Variants in TRPS1 observed in about 807,000 individuals in gnomAD.
The protein encoded by TRPS1 is zinc finger transcription factor Trps1.
TRPS1 carries 6 observed loss-of-function variants against 101.2 expected under a neutral mutation model. The ratio of observed to expected loss-of-function variants is 0.06; its 90% CI spans 0.03 to 0.12. TRPS1 has a LOEUF of 0.12. TRPS1 is among the 10% of genes least tolerant of loss of function. The probability of loss-of-function intolerance (pLI) is 1.00; values close to 1 mark genes in which losing one functional copy is unlikely to be tolerated. For synonymous variants in TRPS1, 578 were observed against 589.8 expected, an observed-to-expected ratio of 0.98 and a Z score of 0.29; for missense variants, 1,363 against 1,567.0, an observed-to-expected ratio of 0.87 and a Z score of 2.20.
chr8:115,482,798 A>G (rs1309983889), intron 5 of TRPS1, among the ~76,000 whole-genome samples: 1 of 152,228 alleles, frequency 6.6e-6, no homozygotes, highest in Non-Finnish European at 1.5e-5. Flanking sequence ...AATAATGAGG[A>G]TCCATATCCT....
intron 2 of TRPS1, 83 bp from the exon 3 acceptor site, chr8:115,620,143 G>T: frequency 7.0e-7 from 1 of 1,422,744 alleles, no homozygotes; most frequent in Non-Finnish European, 9.7e-7. Flanking sequence ...TTTTACTTAT[G>T]TGAGTTTTTT....
At chr8:115,611,718 G>A (rs1818171879) in intron 3 of TRPS1, among the ~76,000 whole-genome samples, 1 of 152,210 alleles carries the variant, frequency 6.6e-6, no homozygotes, top group Admixed American at 6.5e-5. Context: ...GCGAGAGTAA[G>A]ACAATGCAAG....
intron 5 of TRPS1, among the ~76,000 whole-genome samples, chr8:115,479,273 T>C (rs1417366732): frequency 6.6e-6 from 1 of 152,160 alleles, no homozygotes; most frequent in Non-Finnish European, 1.5e-5. Context: ...ACGTAACTTG[T>C]AGTCTGGTAC....
Position 115,614,562 on chromosome 8 carries a change from A to T in TRPS1, c.966+4570T>A, listed in dbSNP as rs562356757. Among the ~76,000 whole-genome samples, 6 of 152,342 alleles carry T rather than the reference A, an allele frequency of 3.9e-5. No individual in the cohort carries two copies. In the South Asian group the frequency reaches 1.2e-3, roughly 32 times the overall value. On this transcript the variant is annotated intron_variant, in intron 3 of 6. Transcript: ENST00000395715. The stretch of plus-strand genomic sequence containing the variant: ...CTTGCTTTATGGCCTTGAGGTGAGC[A>T]TATGTCTTATTTTGCACACTTTATT...
chr8:115,651,735 A>G (rs2130610765), intron 1 of TRPS1, among the ~76,000 whole-genome samples: 1 of 152,326 alleles, frequency 6.6e-6, no homozygotes, highest in Admixed American at 6.5e-5. Flanking sequence ...AGAAGTGAAC[A>G]TGCCGAGGAA....
chr8:115,548,158 C>T (rs1816621692), intron 5 of TRPS1, among the ~76,000 whole-genome samples: 1 of 151,936 alleles, frequency 6.6e-6, no homozygotes, highest in Non-Finnish European at 1.5e-5. Context: ...CACTGAAACT[C>T]AGGAGGTTGA....
intron 3 of TRPS1, among the ~76,000 whole-genome samples, chr8:115,613,744 T>C (rs1272872699): frequency 6.6e-6 from 1 of 152,202 alleles, no homozygotes; most frequent in Non-Finnish European, 1.5e-5. Context: ...GAGCTCCACA[T>C]ACACACATAA....
At chr8:115,437,357 G>C (rs1813481550) in intron 5 of TRPS1, among the ~76,000 whole-genome samples, 1 of 152,168 alleles carries the variant, frequency 6.6e-6, no homozygotes, top group Non-Finnish European at 1.5e-5. Flanking sequence ...AGTTCACAAT[G>C]AGCATACAGG....
intron 1 of TRPS1, among the ~76,000 whole-genome samples, chr8:115,636,469 C>T (rs1262314238): frequency 1.3e-5 from 2 of 152,012 alleles, no homozygotes; most frequent in Non-Finnish European, 2.9e-5. Flanking sequence ...TATTTAAATT[C>T]GAAGAGAAAA....
chr8:115,586,646 C>A (rs1027360492), intron 5 of TRPS1, among the ~76,000 whole-genome samples: 7 of 152,146 alleles, frequency 4.6e-5, no homozygotes, highest in Non-Finnish European at 1.0e-4. Flanking sequence ...ATTTAAAAGT[C>A]ATTTAGTTAT....
chr8:115,652,122 T>A (rs1217532201), intron 1 of TRPS1, among the ~76,000 whole-genome samples: 2 of 152,156 alleles, frequency 1.3e-5, no homozygotes, highest in Non-Finnish European at 2.9e-5. Context: ...AGAACAAGTG[T>A]GGCAGAGATG....
intron 1 of TRPS1, among the ~76,000 whole-genome samples, chr8:115,646,826 G>A (rs1013404449): frequency 7.9e-5 from 12 of 152,050 alleles, no homozygotes; most frequent in African/African-American, 1.2e-4. Context: ...AAGAGTTGCC[G>A]TGCTAAATCA....
rs544538118 is a variant in TRPS1, at chr8:115,518,602, G to C, written c.2700+68399C>G. 7.2e-5 allele frequency among the ~76,000 whole-genome samples: 11 copies of C among 151,798 alleles called. No individual in the cohort carries two copies. The South Asian group carries it at 2.1e-3, about 29-fold the overall frequency. ...AATTATGAATTATTTTTCCTAAAGT[G>C]GAGCTTCCAAATTTGACAAGCTTTC... On this transcript the variant is annotated intron_variant, in intron 5 of 6. Transcript: ENST00000395715.
At chr8:115,574,665 C>T (rs961594545) in intron 5 of TRPS1, among the ~76,000 whole-genome samples, 6 of 152,042 alleles carry the variant, frequency 3.9e-5, no homozygotes, top group South Asian at 2.1e-4. Flanking sequence ...TAGTTACTGG[C>T]ATCAACTTCA....
chr8:115,527,551 A>T (rs1272515334), intron 5 of TRPS1, among the ~76,000 whole-genome samples: 1 of 152,136 alleles, frequency 6.6e-6, no homozygotes, highest in South Asian at 2.1e-4. Context: ...AACAAATAGA[A>T]TAAAAGAATA....
chr8:115,445,559 G>T (rs1036535283), intron 5 of TRPS1, among the ~76,000 whole-genome samples: 5 of 152,150 alleles, frequency 3.3e-5, no homozygotes, highest in African/African-American at 1.2e-4. Context: ...ACAAGTGTTT[G>T]TTACTGTATG....
intron 5 of TRPS1, among the ~76,000 whole-genome samples, chr8:115,578,209 C>T (rs575244073): frequency 6.6e-6 from 1 of 152,238 alleles, no homozygotes; most frequent in East Asian, 1.9e-4. Context: ...TTGAATCTAT[C>T]ATTAAATATG....
At chr8:115,497,330 C>T (rs936395296) in intron 5 of TRPS1, among the ~76,000 whole-genome samples, 2 of 152,180 alleles carry the variant, frequency 1.3e-5, no homozygotes, top group Non-Finnish European at 2.9e-5. Context: ...CTCTCCTATG[C>T]GAATCTAAGG....
chr8:115,427,916 A>G (rs1461654851), intron 5 of TRPS1, among the ~76,000 whole-genome samples: 1 of 152,112 alleles, frequency 6.6e-6, no homozygotes, highest in East Asian at 1.9e-4. Context: ...TAAAAAAAGT[A>G]TGTGAAACAG....
Sources: gnomAD v4.1 joint callset for allele counts (sites outside exome capture counted in the v4.1 genomes callset) on GRCh38, gnomAD v4.1.1 for gene constraint, MANE v1.5 for transcripts, NCBI Gene and HGNC (gene_info 2026-07-23, HGNC 2026-07-21) for gene names.